Variants in KLRG1 observed in about 807,000 individuals in gnomAD.
KLRG1 encodes the protein killer cell lectin like receptor G1, also known as killer cell lectin-like receptor subfamily G member 1.
A neutral mutation model predicts 21.8 loss-of-function variants in KLRG1; 16 were observed. The ratio of observed to expected loss-of-function variants is 0.73; its 90% CI spans 0.50 to 1.11. The LOEUF (loss-of-function observed/expected upper bound fraction) is 1.11, where lower values mean the gene tolerates loss of function less well. Among genes scored for constraint, KLRG1 ranks in the 50% most tolerant of loss-of-function variants. KLRG1 has a pLI of 0.00. For synonymous variants in KLRG1, 69 were observed against 75.9 expected, an observed-to-expected ratio of 0.91 and a Z score of 0.47; for missense variants, 173 against 218.3, an observed-to-expected ratio of 0.79 and a Z score of 1.31.
chr12:8,993,151 C>A (rs963434412), intron 2 of KLRG1, among the ~76,000 whole-genome samples: 1 of 127,892 alleles, frequency 7.8e-6, no homozygotes, highest in African/African-American at 3.0e-5. Context: ...AAGTTTAGTT[C>A]TTCTAGGACC....
chr12:8,972,457 C>G (rs1225476798), intron 1 of KLRG1, among the ~76,000 whole-genome samples: 3 of 152,228 alleles, frequency 2.0e-5, no homozygotes, highest in Admixed American at 1.3e-4. Flanking sequence ...CTGCACCCAG[C>G]CAGTCTTTAA....
the KLRG1 span, chr12:9,057,836 T>G: frequency 6.6e-6 from 1 of 152,214 alleles, no homozygotes; most frequent in South Asian, 2.1e-4. Context: ...GGATTCATTC[T>G]CTAATTCATT....
At chr12:9,172,735 A>T in the KLRG1 span, among the ~76,000 whole-genome samples, 4 of 152,316 alleles carry the variant, frequency 2.6e-5, no homozygotes, top group East Asian at 1.9e-4. Flanking sequence ...AAAGAAGGGT[A>T]GTATATAATA....
At chr12:9,056,755 G>A in the KLRG1 span, among the ~76,000 whole-genome samples, 1 of 152,092 alleles carries the variant, frequency 6.6e-6, no homozygotes, top group Admixed American at 6.5e-5. Flanking sequence ...CTCTCACTTA[G>A]TTGCCCAGGC....
the KLRG1 span, among the ~76,000 whole-genome samples, chr12:9,103,677 G>C: frequency 3.3e-5 from 5 of 152,106 alleles, no homozygotes; most frequent in Admixed American, 3.3e-4. Context: ...GTCTTTTTGT[G>C]ACTAGCTTAT....
At chr12:8,981,548 T>C (rs1946754964) in intron 1 of KLRG1, among the ~76,000 whole-genome samples, 1 of 152,152 alleles carries the variant, frequency 6.6e-6, no homozygotes, top group African/African-American at 2.4e-5. Context: ...AATTTCCGAA[T>C]ATTTAGGAAT....
the KLRG1 span, among the ~76,000 whole-genome samples, chr12:9,211,952 G>A: frequency 6.6e-6 from 1 of 152,180 alleles, no homozygotes; most frequent in Admixed American, 6.5e-5. Context: ...CTAGACCTTG[G>A]TCAGTAGGTC....
At chr12:9,178,754 T>C in the KLRG1 span, among the ~76,000 whole-genome samples, 3 of 152,198 alleles carry the variant, frequency 2.0e-5, no homozygotes, top group Non-Finnish European at 2.9e-5. Context: ...CTGATGGTCA[T>C]TGGGTTCAGT....
the KLRG1 span, among the ~76,000 whole-genome samples, chr12:9,114,339 C>T: frequency 2.6e-5 from 4 of 152,140 alleles, no homozygotes; most frequent in African/African-American, 9.7e-5. Flanking sequence ...TTTTTGGACT[C>T]TGTGCACTCC....
chr12:8,982,756 CT>C (rs1453157556), intron 1 of KLRG1, among the ~76,000 whole-genome samples: 1 of 151,846 alleles, frequency 6.6e-6, no homozygotes, highest in Admixed American at 6.6e-5. Context: ...AGCAATTCTC[CT>C]GCCTCAGCCT....
the KLRG1 span, among the ~76,000 whole-genome samples, chr12:9,026,517 C>T: frequency 1.3e-5 from 2 of 152,106 alleles, no homozygotes; most frequent in Non-Finnish European, 2.9e-5. Context: ...ATTATTATTA[C>T]TATTTTTGTG....
At chr12:9,165,862 A>C in the KLRG1 span, among the ~76,000 whole-genome samples, 2 of 152,220 alleles carry the variant, frequency 1.3e-5, no homozygotes, top group East Asian at 3.8e-4. Context: ...ATTATTTTAG[A>C]ATTGCTCAGC....
chr12:9,082,049 C>T, the KLRG1 span, among the ~76,000 whole-genome samples: 2 of 152,174 alleles, frequency 1.3e-5, no homozygotes, highest in Non-Finnish European at 2.9e-5. Context: ...AGTGACCCCA[C>T]CCAGGTAGCA....
the KLRG1 span, among the ~76,000 whole-genome samples, chr12:9,079,053 C>T: frequency 1.3e-5 from 2 of 151,388 alleles, no homozygotes; most frequent in African/African-American, 4.9e-5. Context: ...TGGAAACAAG[C>T]CTAACATAAC....
intron 1 of KLRG1, among the ~76,000 whole-genome samples, chr12:8,976,090 G>A (rs1946653409): frequency 6.6e-6 from 1 of 152,032 alleles, no homozygotes; most frequent in East Asian, 1.9e-4. Flanking sequence ...CTTTTTGAAT[G>A]TAGATGTTTA....
At chr12:9,194,299 G>T in the KLRG1 span, 1 of 1,492,882 alleles carries the variant, frequency 6.7e-7, no homozygotes, top group African/African-American at 1.4e-5. Flanking sequence ...CTGAACTCAT[G>T]TGAACAAATG....
chr12:9,208,510 C>T, the KLRG1 span: 6 of 571,296 alleles, frequency 1.1e-5, no homozygotes, highest in South Asian at 1.3e-4. Context: ...AGGGTCATTA[C>T]TCTCAGTGGT....
chr12:9,163,915 G>T, the KLRG1 span: 6 of 1,321,520 alleles, frequency 4.5e-6, no homozygotes, highest in Non-Finnish European at 6.1e-6. Flanking sequence ...AACCCACAAG[G>T]TTAATGTATA....
At chr12:9,109,192 TGAG>T in the KLRG1 span, 1 of 649,518 alleles carries the variant, frequency 1.5e-6, no homozygotes, top group Non-Finnish European at 2.7e-6. Context: ...ATTCTACAGA[TGAG>T]GATGCTGTCA....
Sources: allele counts gnomAD v4.1 joint callset (sites outside exome capture counted in the v4.1 genomes callset), GRCh38; gene constraint gnomAD v4.1.1; transcripts MANE v1.5; gene names NCBI Gene and HGNC (gene_info 2026-07-23, HGNC 2026-07-21).